TSPAN16: variants seen among roughly 807,000 people sequenced by gnomAD.
TSPAN16 encodes the protein tetraspanin 16.
TSPAN16 carries 23 observed loss-of-function variants against 25.2 expected under a neutral mutation model. That is an observed-to-expected ratio of 0.91 (90% CI 0.66 to 1.29). The LOEUF is 1.29. Among genes scored for constraint, TSPAN16 ranks in the 50% most tolerant of loss-of-function variants. TSPAN16 has a pLI of 0.00. For missense variants in TSPAN16, 272 were observed against 299.9 expected (o/e 0.91, Z 0.69); for synonymous variants, 123 against 124.4 (o/e 0.99, Z 0.08).
chr19:11,320,788 A>G (rs1375754429), downstream of TSPAN16, among the ~76,000 whole-genome samples: 1 of 152,152 alleles, frequency 6.6e-6, no homozygotes, highest in Non-Finnish European at 1.5e-5. Flanking sequence ...CAGTAGCCCA[A>G]AAGAGGAAGT....
At chr19:11,320,457 GGCTGGAA>G (rs1275327574), downstream of TSPAN16, among the ~76,000 whole-genome samples, 1 of 151,946 alleles carries the variant, frequency 6.6e-6, no homozygotes, top group African/African-American at 2.4e-5. Context: ...GCGGGAGCAT[GGCTGGAA>G]GCTGGGAGTT....
intron 6 of TSPAN16, among the ~76,000 whole-genome samples, chr19:11,314,047 C>T (rs1391570681): frequency 1.3e-5 from 2 of 152,120 alleles, no homozygotes; most frequent in Non-Finnish European, 2.9e-5. Flanking sequence ...ATATATGCTA[C>T]AACGTGGATG....
intron 2 of TSPAN16, 139 bp downstream of exon 2, chr19:11,298,478 A>G: frequency 1.3e-6 from 1 of 785,804 alleles, no homozygotes; most frequent in Non-Finnish European, 2.0e-6. Flanking sequence ...TCTGTCGCCC[A>G]GGCTGGAGTG....
chr19:11,317,856 T>G (rs1345216254), downstream of TSPAN16, among the ~76,000 whole-genome samples: 3 of 149,930 alleles, frequency 2.0e-5, no homozygotes, highest in Admixed American at 6.7e-5. Context: ...GCTTGGGGAG[T>G]GCCAGATGTT....
rs556398306 is a variant in TSPAN16 at position 11,302,678 on chromosome 19, T to TATAC, written c.450+1371_450+1372insTACA. On this transcript the variant is annotated intron_variant, in intron 4 of 6. Transcript: ENST00000590327. ...ACACATACATATATATATATATATA[T>TATAC]ACACACACACACACACACACACACA... 6.6e-4 allele frequency among the ~76,000 whole-genome samples: 83 copies of TATAC among 126,548 alleles called. 1 individual carries two copies. In the South Asian group the frequency reaches 7.7e-3, roughly 12 times the overall value. The allele number at this position is 126,548 out of a possible 152,430, so 83.0% of individuals were successfully genotyped here.
chr19:11,310,355 A>G (rs141650984), intron 5 of TSPAN16, among the ~76,000 whole-genome samples: 27 of 151,514 alleles, frequency 1.8e-4, no homozygotes, highest in African/African-American at 5.6e-4. Flanking sequence ...TCTCTACTAA[A>G]AATACAAAAA....
chr19:11,297,193 T>G (rs780852781), intron 1 of TSPAN16, among the ~76,000 whole-genome samples: 11 of 152,228 alleles, frequency 7.2e-5, no homozygotes, highest in Non-Finnish European at 1.2e-4. Flanking sequence ...CCGGCTGTGG[T>G]GACTCATGCC....
At chr19:11,297,007 C>T (rs2080485647) in intron 1 of TSPAN16, among the ~76,000 whole-genome samples, 1 of 152,082 alleles carries the variant, frequency 6.6e-6, no homozygotes, top group Non-Finnish European at 1.5e-5. Context: ...TGTCACTGCA[C>T]TCCAGCCTGG....
intron 6 of TSPAN16, chr19:11,323,596 A>C (rs1482295543): frequency 6.6e-6 from 1 of 152,206 alleles, no homozygotes; most frequent in African/African-American, 2.4e-5. Flanking sequence ...GTATCAAAAA[A>C]ACAAATGAAA....
chr19:11,298,823 G>C, intron 2 of TSPAN16, 49 bp from the exon 3 acceptor site: 1 of 1,554,842 alleles, frequency 6.4e-7, no homozygotes, highest in Non-Finnish European at 8.8e-7. Flanking sequence ...ATAAGGTCGG[G>C]AGGAGGCTGA....
At position 11,315,840 on chromosome 19, in the gene TSPAN16, A is replaced by G; in HGVS notation, c.*2A>G. The G allele has an allele frequency of 1.6e-6, 2 of 1,231,728 alleles. No individual in the cohort carries two copies. The highest frequency in any genetic ancestry group is 2.0e-6 in the Non-Finnish European group (2 of 987,800). The allele number at this position is 1,231,728 out of a possible 1,614,324, so 76.3% of individuals were successfully genotyped here. A position where few individuals can be genotyped will look rare whatever the true frequency, so the allele number is the denominator to read the frequency against. On this transcript the variant is annotated 3_prime_UTR_variant, in exon 7 of 7. Coordinates refer to ENST00000590327, the MANE Select transcript of TSPAN16 (RefSeq NM_001282509.2). ...CTGCTGTTTATCAAGCTGGGCTGAC[A>G]CCCAGGCCTGGAGAAGATGAGACAC... is the stretch of plus-strand genomic sequence containing the variant.
chr19:11,297,748 C>T (rs956496827), intron 1 of TSPAN16, among the ~76,000 whole-genome samples: 2 of 152,072 alleles, frequency 1.3e-5, no homozygotes, highest in Admixed American at 6.6e-5. Flanking sequence ...CCACCTGCTT[C>T]GGCCTCCCAA....
At chr19:11,316,118 G>GT (rs1297073841), downstream of TSPAN16, 2,320 of 105,766 alleles carry the variant, frequency 0.022, no homozygotes, top group Non-Finnish European at 0.028. Flanking sequence ...TGTGTGTGTG[G>GT]TTTTTTTTTT....
chr19:11,298,438 T>A, intron 2 of TSPAN16, 99 bp downstream of exon 2: 1 of 784,882 alleles, frequency 1.3e-6, no homozygotes, highest in Non-Finnish European at 1.7e-6. Flanking sequence ...GTCACCTATT[T>A]TTTTTTTTTT....
intron 5 of TSPAN16, among the ~76,000 whole-genome samples, chr19:11,308,663 C>CG (rs2080656721): frequency 6.6e-6 from 1 of 151,886 alleles, no homozygotes; most frequent in South Asian, 2.1e-4. Context: ...TTAGTAGAGA[C>CG]GGGGTTTCAC....
downstream of TSPAN16, among the ~76,000 whole-genome samples, chr19:11,319,936 TCC>T (rs2080767810): frequency 6.6e-6 from 1 of 152,170 alleles, no homozygotes; most frequent in African/African-American, 2.4e-5. Flanking sequence ...TGCCTCAGCC[TCC>T]CGCGTAGCTG....
chr19:11,320,898 C>T (rs1200171376), downstream of TSPAN16, among the ~76,000 whole-genome samples: 3 of 151,830 alleles, frequency 2.0e-5, no homozygotes, highest in African/African-American at 4.8e-5. Flanking sequence ...TGCCCGTGTA[C>T]GGTGGTTCAC....
chr19:11,305,624 T>C (rs2080618108), intron 4 of TSPAN16, among the ~76,000 whole-genome samples: 1 of 152,130 alleles, frequency 6.6e-6, no homozygotes, highest in Non-Finnish European at 1.5e-5. Flanking sequence ...CCTAGCACTT[T>C]GGGAGGCTGA....
intron 3 of TSPAN16, 94 bp downstream of exon 3, chr19:11,299,040 G>T (rs112095364): frequency 7.7e-7 from 1 of 1,301,928 alleles, no homozygotes; most frequent in Non-Finnish European, 1.1e-6. Flanking sequence ...AGCATTTTGG[G>T]AGGCTGAGTC....
Sources: allele counts gnomAD v4.1 joint callset (sites outside exome capture counted in the v4.1 genomes callset), GRCh38; gene constraint gnomAD v4.1.1; transcripts MANE v1.5; gene names NCBI Gene and HGNC (gene_info 2026-07-23, HGNC 2026-07-21).